The following NEGR1 variants were observed in gnomAD, a reference collection of about 807,000 sequenced individuals.
The protein encoded by NEGR1 is IgLON family member 4.
NEGR1 carries 10 observed loss-of-function variants against 40.9 expected under a neutral mutation model. The ratio of observed to expected loss-of-function variants is 0.24; its 90% CI spans 0.15 to 0.42. NEGR1 has a LOEUF of 0.42. Ranked by LOEUF, NEGR1 falls within the 10% of genes least tolerant of loss-of-function variation. The probability of loss-of-function intolerance (pLI) is 1.00; values close to 1 mark genes in which losing one functional copy is unlikely to be tolerated. For synonymous variants in NEGR1, 185 were observed against 166.8 expected (o/e 1.11, Z -0.84); for missense variants, 352 against 438.9 (o/e 0.80, Z 1.77).
intron 1 of NEGR1, among the ~76,000 whole-genome samples, chr1:72,208,863 TCAAA>T (rs1384919425): frequency 6.6e-6 from 1 of 151,628 alleles, no homozygotes; most frequent in African/African-American, 2.4e-5. Flanking sequence ...CAGACAGAAA[TCAAA>T]CAGTCAAGTT....
chr1:71,827,111 T>C (rs1421423029), intron 2 of NEGR1, among the ~76,000 whole-genome samples: 1 of 151,648 alleles, frequency 6.6e-6, no homozygotes, highest in Admixed American at 6.6e-5. Flanking sequence ...TGTGATGAAA[T>C]CCAGTTTGGT....
chr1:71,673,093 G>A (rs567000144), intron 4 of NEGR1, among the ~76,000 whole-genome samples: 1 of 152,152 alleles, frequency 6.6e-6, no homozygotes, highest in African/African-American at 2.4e-5. Context: ...AACAAAATTA[G>A]CCTGGCATTT....
At chr1:71,737,505 A>C (rs1320369696) in intron 3 of NEGR1, among the ~76,000 whole-genome samples, 2 of 152,208 alleles carry the variant, frequency 1.3e-5, no homozygotes, top group East Asian at 3.9e-4. Flanking sequence ...CTCACTATGC[A>C]AGTTGGTCAT....
intron 1 of NEGR1, among the ~76,000 whole-genome samples, chr1:72,209,451 A>G (rs939999055): frequency 6.6e-6 from 1 of 151,676 alleles, no homozygotes; most frequent in African/African-American, 2.4e-5. Flanking sequence ...CATTTCTTGG[A>G]TAAATCTACT....
At chr1:71,699,122 A>T (rs1167121342) in intron 3 of NEGR1, among the ~76,000 whole-genome samples, 1 of 151,992 alleles carries the variant, frequency 6.6e-6, no homozygotes, top group African/African-American at 2.4e-5. Context: ...GTTTGTTTTC[A>T]AAAGTCAATA....
chr1:71,918,425 A>ACT (rs1350498080), intron 2 of NEGR1, among the ~76,000 whole-genome samples: 1 of 151,552 alleles, frequency 6.6e-6, no homozygotes, highest in Non-Finnish European at 1.5e-5. Flanking sequence ...AAAGCCAGCA[A>ACT]CTCTCCATGA....
chr1:71,469,360 A>G (rs1286513425), intron 6 of NEGR1, among the ~76,000 whole-genome samples: 1 of 152,066 alleles, frequency 6.6e-6, no homozygotes, highest in African/African-American at 2.4e-5. Context: ...TTTAGTAAGC[A>G]GGATCACATT....
intron 1 of NEGR1, among the ~76,000 whole-genome samples, chr1:72,083,828 C>G (rs993609602): frequency 6.6e-6 from 1 of 152,066 alleles, no homozygotes. Context: ...TGGATAGCCT[C>G]TCCACTATCA....
intron 3 of NEGR1, among the ~76,000 whole-genome samples, chr1:71,710,477 G>A (rs989838845): frequency 1.3e-5 from 2 of 152,168 alleles, no homozygotes; most frequent in African/African-American, 4.8e-5. Context: ...AGCAAACTAA[G>A]TGTCCATCAA....
intron 4 of NEGR1, among the ~76,000 whole-genome samples, chr1:71,645,566 A>C (rs947039256): frequency 1.3e-5 from 2 of 151,942 alleles, no homozygotes; most frequent in African/African-American, 4.8e-5. Flanking sequence ...ATAATGCAGT[A>C]ACGAATAAGT....
At chr1:71,653,150 C>T (rs890495031) in intron 4 of NEGR1, among the ~76,000 whole-genome samples, 2 of 152,052 alleles carry the variant, frequency 1.3e-5, no homozygotes, top group African/African-American at 4.8e-5. Context: ...GCACATAATT[C>T]ATTAAAATTT....
intron 1 of NEGR1, among the ~76,000 whole-genome samples, chr1:72,149,811 G>A (rs111875140): frequency 6.7e-6 from 1 of 150,088 alleles, no homozygotes; most frequent in Non-Finnish European, 1.5e-5. Context: ...AACCTGGGAG[G>A]CGGAGGTTGT....
chr1:71,513,491 C>T (rs895240851), intron 6 of NEGR1, among the ~76,000 whole-genome samples: 2 of 152,122 alleles, frequency 1.3e-5, no homozygotes, highest in African/African-American at 2.4e-5. Flanking sequence ...ATTTCCTAAA[C>T]GTATAACAAA....
chr1:71,517,596 T>A (rs889863799), intron 6 of NEGR1, among the ~76,000 whole-genome samples: 1 of 144,896 alleles, frequency 6.9e-6, no homozygotes, highest in Non-Finnish European at 1.5e-5. Context: ...AAGAGCTATC[T>A]ATGACAAACC....
intron 6 of NEGR1, among the ~76,000 whole-genome samples, chr1:71,581,698 A>T (rs1241967594): frequency 6.3e-5 from 9 of 143,282 alleles, no homozygotes; most frequent in Admixed American, 5.6e-4. Flanking sequence ...ATTATACACA[A>T]TTTTTTTTTT....
chr1:72,064,762 T>C (rs990666317), intron 1 of NEGR1, among the ~76,000 whole-genome samples: 4 of 152,114 alleles, frequency 2.6e-5, no homozygotes, highest in African/African-American at 9.7e-5. Context: ...TAAATTGTTC[T>C]TTCAGCATGG....
chr1:72,038,959 TA>T (rs1646928644), intron 1 of NEGR1, among the ~76,000 whole-genome samples: 1 of 151,526 alleles, frequency 6.6e-6, no homozygotes, highest in African/African-American at 2.4e-5. Flanking sequence ...ATAAACAAAA[TA>T]AAATGTGAGT....
chr1:71,851,194 C>T (rs1659588556), intron 2 of NEGR1, among the ~76,000 whole-genome samples: 1 of 152,090 alleles, frequency 6.6e-6, no homozygotes, highest in Non-Finnish European at 1.5e-5. Context: ...TGTTTTTATG[C>T]AATGTGTTAC....
At chr1:72,132,745 T>A (rs1189535806) in intron 1 of NEGR1, among the ~76,000 whole-genome samples, 1 of 152,120 alleles carries the variant, frequency 6.6e-6, no homozygotes, top group South Asian at 2.1e-4. Flanking sequence ...ATAAGTAATT[T>A]ATGGTGAATG....
Sources: allele counts gnomAD v4.1 joint callset (sites outside exome capture counted in the v4.1 genomes callset), GRCh38; gene constraint gnomAD v4.1.1; transcripts MANE v1.5; gene names NCBI Gene and HGNC (gene_info 2026-07-23, HGNC 2026-07-21).